Variants in CARMIL1 observed in about 807,000 individuals in gnomAD.
CARMIL1 encodes F-actin-uncapping protein LRRC16A.
Under a neutral mutation model 177.1 loss-of-function variants are expected in CARMIL1, and 90 were observed. The ratio of observed to expected loss-of-function variants is 0.51; its 90% CI spans 0.43 to 0.61. The LOEUF (loss-of-function observed/expected upper bound fraction) is 0.61, where lower values mean the gene tolerates loss of function less well. CARMIL1 is among the 20% of genes least tolerant of loss of function. The pLI is 0.00. For missense variants in CARMIL1, 1,380 were observed against 1,667.0 expected, an observed-to-expected ratio of 0.83 and a Z score of 3.00; for synonymous variants, 577 against 606.2, an observed-to-expected ratio of 0.95 and a Z score of 0.71.
Position 25,581,320 on chromosome 6 carries a change from C to T in CARMIL1, c.2887C>T (p.Gln963Ter). Residue 963 changes from glutamine to a stop codon, truncating the protein, a stop_gained, in exon 31 of 37, where the codon CAG becomes TAG. Transcript: ENST00000329474. LOFTEE classifies it high-confidence loss of function. ...IEDPPFPSLR[Q>*]EKRSSGFISE... ...AGACCCGCCCTTCCCATCCCTCAGA[C>T]AGGAGAAGCGGAGCTCGGGATTTAT... 1 of 1,613,798 alleles carries T rather than the reference C, an allele frequency of 6.2e-7. No individual in the cohort carries two copies. Among genetic ancestry groups the T allele is most frequent in the Non-Finnish European group, 8.5e-7 (1 of 1,179,828 alleles).
intron 29 of CARMIL1, among the ~76,000 whole-genome samples, chr6:25,565,385 C>G (rs1006222702): frequency 3.3e-5 from 5 of 152,146 alleles, no homozygotes; most frequent in African/African-American, 1.2e-4. Context: ...GTTGTGATGT[C>G]CAGGAGTAGC....
intron 32 of CARMIL1, among the ~76,000 whole-genome samples, chr6:25,598,255 T>A (rs1189999271): frequency 6.6e-6 from 1 of 152,108 alleles, no homozygotes; most frequent in East Asian, 1.9e-4. Flanking sequence ...TTATTATTAT[T>A]TGAGATAGCA....
rs1462370150 is a variant in CARMIL1 at position 25,376,366 on chromosome 6, C to T, written c.139-43748C>T. Among the ~76,000 whole-genome samples, 8 of 152,232 alleles carry T rather than the reference C, an allele frequency of 5.3e-5. No individual in the cohort carries two copies. The East Asian group carries it at 1.3e-3, about 26-fold the overall frequency. On this transcript the variant is annotated intron_variant, in intron 2 of 36. Transcript: ENST00000329474. Reference sequence around the variant, plus strand: ...AAGTGCTGGGATTATAGGCATGAGCCACCGTATCTGGCTGCCAGAATTATT... The same window carrying T: ...AAGTGCTGGGATTATAGGCATGAGCTACCGTATCTGGCTGCCAGAATTATT...
At chr6:25,450,556 C>T in intron 7 of CARMIL1, 82 bp from the exon 8 acceptor site, 1 of 1,061,706 alleles carries the variant, frequency 9.4e-7, no homozygotes, top group Non-Finnish European at 1.4e-6. Context: ...CTGCCATTGT[C>T]ATTGTCTAAT....
intron 2 of CARMIL1, among the ~76,000 whole-genome samples, chr6:25,419,083 G>A (rs558359113): frequency 6.6e-6 from 1 of 152,218 alleles, no homozygotes; most frequent in Non-Finnish European, 1.5e-5. Flanking sequence ...GCTCAGCTTA[G>A]CCGTTCAAGC....
At chr6:25,582,393 G>A (rs974924446) in intron 31 of CARMIL1, among the ~76,000 whole-genome samples, 5 of 152,182 alleles carry the variant, frequency 3.3e-5, no homozygotes, top group Admixed American at 2.6e-4. Context: ...CCGTCTGGGT[G>A]ATATCATCTA....
At chr6:25,487,369 G>A (rs2150985898) in intron 12 of CARMIL1, among the ~76,000 whole-genome samples, 1 of 152,298 alleles carries the variant, frequency 6.6e-6, no homozygotes, top group Non-Finnish European at 1.5e-5. Context: ...CCCAAATGTG[G>A]AGGGGAAAGA....
chr6:25,366,463 C>G (rs1789812555), intron 2 of CARMIL1, among the ~76,000 whole-genome samples: 1 of 151,906 alleles, frequency 6.6e-6, no homozygotes, highest in African/African-American at 2.4e-5. Context: ...TCACCCCATT[C>G]TGCTTTACTT....
chr6:25,517,225 T>C (rs968015594), intron 21 of CARMIL1, 122 bp from the exon 22 acceptor site: 11 of 661,988 alleles, frequency 1.7e-5, no homozygotes, highest in African/African-American at 1.4e-4. Flanking sequence ...CATTATTCCT[T>C]GCTCACATAA....
intron 2 of CARMIL1, among the ~76,000 whole-genome samples, chr6:25,411,500 G>A (rs868188283): frequency 3.3e-5 from 5 of 152,270 alleles, no homozygotes; most frequent in Middle Eastern, 6.8e-3. Context: ...CTGTATCAGC[G>A]GGTGCTTTGA....
chr6:25,437,826 T>A lies in CARMIL1; in HGVS notation c.371+2222T>A, dbSNP rs56307163. Among the ~76,000 whole-genome samples the A allele has an allele frequency of 8.1e-4, 123 of 152,366 alleles. 1 individual carries two copies. The highest frequency in any genetic ancestry group is 1.5e-3 in the Non-Finnish European group (100 of 68,034). On this transcript the variant is annotated intron_variant, in intron 5 of 36. Coordinates refer to ENST00000329474, the MANE Select transcript of CARMIL1 (RefSeq NM_017640.6). ...CTTTTAAAAATATTATCTTAATATC[T>A]CGTGGTCTGGTTCTTTCTCCTTGTT...
chr6:25,549,213 G>A (rs1191598396), intron 26 of CARMIL1, among the ~76,000 whole-genome samples: 1 of 152,130 alleles, frequency 6.6e-6, no homozygotes, highest in Non-Finnish European at 1.5e-5. Flanking sequence ...AGTTTACATT[G>A]GAAGCCAGGC....
In CARMIL1 at chr6:25,466,199, G is replaced by T. The variant is rs143444517; in HGVS notation, c.690+251G>T. Among the ~76,000 whole-genome samples the T allele has an allele frequency of 1.3e-3, 194 of 152,268 alleles. 1 individual carries two copies. The highest frequency in any genetic ancestry group is 4.5e-3 in the African/African-American group (188 of 41,566). On this transcript the variant is annotated intron_variant, in intron 9 of 36. Coordinates refer to ENST00000329474, the MANE Select transcript of CARMIL1 (RefSeq NM_017640.6). ...GAAGATGAACAAAAAGATACATTTA[G>T]TGTAGCCTTTAGTATAAAGTCATTC...
At chr6:25,583,823 C>A (rs890547471) in intron 31 of CARMIL1, among the ~76,000 whole-genome samples, 2 of 150,194 alleles carry the variant, frequency 1.3e-5, no homozygotes, top group Admixed American at 1.3e-4. Context: ...AAAAGACAAC[C>A]CCCCCCACCC....
At chr6:25,416,006 G>C (rs1795326936) in intron 2 of CARMIL1, among the ~76,000 whole-genome samples, 2 of 152,042 alleles carry the variant, frequency 1.3e-5, no homozygotes, top group Non-Finnish European at 2.9e-5. Context: ...AGCCAGTGAG[G>C]AGAGGCACAG....
At chr6:25,320,001 A>G (rs887421526) in intron 2 of CARMIL1, among the ~76,000 whole-genome samples, 9 of 152,220 alleles carry the variant, frequency 5.9e-5, no homozygotes, top group African/African-American at 2.2e-4. Context: ...ATGTTCGGAC[A>G]TTAGTCAATG....
At chr6:25,354,727 T>C (rs998203644) in intron 2 of CARMIL1, among the ~76,000 whole-genome samples, 14 of 152,172 alleles carry the variant, frequency 9.2e-5, no homozygotes, top group Non-Finnish European at 4.4e-5. Flanking sequence ...CCACAGAAAC[T>C]TGAGTTGGGA....
chr6:25,369,082 A>T (rs1442891727), intron 2 of CARMIL1, among the ~76,000 whole-genome samples: 2 of 152,218 alleles, frequency 1.3e-5, no homozygotes, highest in African/African-American at 4.8e-5. Flanking sequence ...AACTAAGTTT[A>T]TCTGAACTTT....
intron 5 of CARMIL1, among the ~76,000 whole-genome samples, chr6:25,436,199 A>G (rs908484867): frequency 1.3e-5 from 2 of 152,040 alleles, no homozygotes; most frequent in South Asian, 2.1e-4. Context: ...GTAGTTGGGG[A>G]GTGTGTGGGT....
Sources: allele counts gnomAD v4.1 joint callset (sites outside exome capture counted in the v4.1 genomes callset), GRCh38; gene constraint gnomAD v4.1.1; transcripts MANE v1.5; gene names NCBI Gene and HGNC (gene_info 2026-07-23, HGNC 2026-07-21).